The following ZNF618 variants were observed in gnomAD, a reference collection of about 807,000 sequenced individuals.
ZNF618 encodes the protein zinc finger protein 618.
A neutral mutation model predicts 103.0 loss-of-function variants in ZNF618; 34 were observed. That is an observed-to-expected ratio of 0.33 (90% CI 0.25 to 0.44). The LOEUF is 0.44. Among genes scored for constraint, ZNF618 ranks in the 20% least tolerant of loss-of-function variants. The pLI, the probability that ZNF618 is intolerant of heterozygous loss-of-function variation, is 1.00. For missense variants in ZNF618, 1,059 were observed against 1,295.4 expected, an observed-to-expected ratio of 0.82 and a Z score of 2.80; for synonymous variants, 551 against 542.2, an observed-to-expected ratio of 1.02 and a Z score of -0.23.
At chr9:114,033,147 C>T (rs1418317255) in intron 12 of ZNF618, among the ~76,000 whole-genome samples, 1 of 152,180 alleles carries the variant, frequency 6.6e-6, no homozygotes, top group Admixed American at 6.5e-5. Flanking sequence ...CCGTGGCTCA[C>T]ACCTGTAATC....
At chr9:113,880,219 C>G (rs1828387913) in intron 1 of ZNF618, among the ~76,000 whole-genome samples, 1 of 151,882 alleles carries the variant, frequency 6.6e-6, no homozygotes, top group Admixed American at 6.6e-5. Flanking sequence ...GAATTTTTTC[C>G]ATGTTCTTGT....
chr9:113,967,506 A>G (rs531884348), intron 1 of ZNF618, among the ~76,000 whole-genome samples: 30 of 151,924 alleles, frequency 2.0e-4, no homozygotes, highest in Non-Finnish European at 3.2e-4. Context: ...ATGTCACCCC[A>G]TTTCCCAATT....
intron 13 of ZNF618, among the ~76,000 whole-genome samples, chr9:114,043,624 C>T (rs1366399526): frequency 2.6e-5 from 4 of 152,156 alleles, no homozygotes; most frequent in African/African-American, 4.8e-5. Flanking sequence ...GGAACCTCCA[C>T]GCTGTTTTCC....
intron 13 of ZNF618, among the ~76,000 whole-genome samples, chr9:114,045,724 G>A: frequency 6.6e-6 from 1 of 151,880 alleles, no homozygotes; most frequent in East Asian, 1.9e-4. Flanking sequence ...ATGAATTTCA[G>A]GATCAGCTTG....
chr9:114,010,301 C>A (rs1474450110), intron 9 of ZNF618, among the ~76,000 whole-genome samples: 28 of 116,922 alleles, frequency 2.4e-4, no homozygotes, highest in East Asian at 9.8e-4. Context: ...GACTCTGTCT[C>A]AAAAAAAAAA....
chr9:113,936,071 C>T (rs1834004479), intron 1 of ZNF618, among the ~76,000 whole-genome samples: 1 of 152,156 alleles, frequency 6.6e-6, no homozygotes, highest in South Asian at 2.1e-4. Flanking sequence ...CCTCCTGCTT[C>T]AGCCTCCCAA....
At chr9:113,975,431 G>C (rs960903681) in intron 2 of ZNF618, among the ~76,000 whole-genome samples, 2 of 152,082 alleles carry the variant, frequency 1.3e-5, no homozygotes, top group African/African-American at 4.8e-5. Flanking sequence ...TCTTCTTCTT[G>C]TTTACCATTT....
chr9:113,996,092 A>T (rs1307278823), intron 3 of ZNF618, among the ~76,000 whole-genome samples: 1 of 152,152 alleles, frequency 6.6e-6, no homozygotes, highest in East Asian at 1.9e-4. Context: ...TGCTTCACTC[A>T]GAAGACCCTG....
chr9:114,013,061 A>T (rs1842389083), intron 9 of ZNF618, among the ~76,000 whole-genome samples: 1 of 152,194 alleles, frequency 6.6e-6, no homozygotes, highest in African/African-American at 2.4e-5. Context: ...TTCAAGGTGG[A>T]CTTGCCTCAG....
At chr9:114,029,691 T>TTTCC (rs1843833581) in intron 11 of ZNF618, among the ~76,000 whole-genome samples, 2 of 152,148 alleles carry the variant, frequency 1.3e-5, no homozygotes, top group South Asian at 4.1e-4. Context: ...ATAAGCCGGA[T>TTTCC]GGTTGACCTA....
chr9:114,007,313 GC>G, intron 6 of ZNF618, 36 bp from the exon 7 acceptor site: 3 of 1,595,720 alleles, frequency 1.9e-6, no homozygotes, highest in Non-Finnish European at 2.6e-6. Flanking sequence ...CAAGACTGAA[GC>G]CCTGGTAACC....
chr9:113,905,220 G>C (rs1182087997), intron 1 of ZNF618, among the ~76,000 whole-genome samples: 1 of 152,046 alleles, frequency 6.6e-6, no homozygotes, highest in Non-Finnish European at 1.5e-5. Context: ...CTCACACCTG[G>C]CTAATTTTTT....
At chr9:114,026,392 G>A (rs955029902) in intron 10 of ZNF618, among the ~76,000 whole-genome samples, 3 of 152,106 alleles carry the variant, frequency 2.0e-5, no homozygotes, top group African/African-American at 7.2e-5. Flanking sequence ...GGAAAGAGGG[G>A]GCTGTGTGCC....
Position 113,998,366 on chromosome 9 carries a change from C to T in ZNF618, c.433+12C>T. The T allele has an allele frequency of 1.3e-6, 2 of 1,549,064 alleles. No homozygotes were observed. The highest frequency in any genetic ancestry group is 1.7e-6 in the Non-Finnish European group (2 of 1,146,016). ...GAGATATGCATCTGGTACGTGATGGCCAAGGGGTAGTGCCTGATCCGGGGC... is the reference window on the plus strand; with the variant it reads ...GAGATATGCATCTGGTACGTGATGGTCAAGGGGTAGTGCCTGATCCGGGGC... On this transcript the variant is annotated intron_variant, in intron 4 of 14. Coordinates refer to ENST00000374126, the MANE Select transcript of ZNF618 (RefSeq NM_001318042.2).
intron 1 of ZNF618, among the ~76,000 whole-genome samples, chr9:113,934,427 A>G (rs560075240): frequency 2.6e-5 from 4 of 152,112 alleles, no homozygotes; most frequent in African/African-American, 9.6e-5. Context: ...GTAGATGACA[A>G]TTACACGAAC....
intron 2 of ZNF618, among the ~76,000 whole-genome samples, chr9:113,973,968 T>A (rs1310033767): frequency 6.6e-6 from 1 of 152,054 alleles, no homozygotes; most frequent in Non-Finnish European, 1.5e-5. Context: ...TAAGAAAAAA[T>A]CAAATCTCAT....
chr9:113,905,787 T>C (rs896089644), intron 1 of ZNF618, among the ~76,000 whole-genome samples: 2 of 152,160 alleles, frequency 1.3e-5, no homozygotes, highest in African/African-American at 4.8e-5. Flanking sequence ...TTCCCTCCCT[T>C]GCATGTTTCA....
At position 113,988,327 on chromosome 9, in the gene ZNF618, C is replaced by T. The variant is rs761820040; in HGVS notation, c.84C>T (p.Arg28=). The T allele has an allele frequency of 4.3e-6, 7 of 1,611,748 alleles. No individual in the cohort carries two copies. In the Admixed American group the frequency reaches 8.3e-5, roughly 19 times the overall value. Residue 28 remains arginine (R), a synonymous_variant, in exon 3 of 15, where the codon CGC becomes CGT. Transcript: ENST00000374126. ...AGRKSTASRE[R]LKRSQKSTKV... is the part of the protein sequence containing the mutation. ...GGAGTTTCTTCTTTCCCAGGGAGCG[C>T]TTGAAGCGCAGCCAGAAGAGCACCA...
In ZNF618 at chr9:113,920,405, A is replaced by AT. The variant is rs35271347; in HGVS notation, c.33+44008dup. Among the ~76,000 whole-genome samples, 426 of 142,714 alleles carry AT rather than the reference A, an allele frequency of 3.0e-3. 3 individuals are homozygous for AT. Among genetic ancestry groups the AT allele is most frequent in the South Asian group, 0.019 (84 of 4,412 alleles). The allele number at this position is 142,714 out of a possible 152,430, so 93.6% of individuals were successfully genotyped here. A position where few individuals can be genotyped will look rare whatever the true frequency, so the allele number is the denominator to read the frequency against. ...TTTTTTACTTATTTTCAGAGTCACA[A>AT]TTTTTTTTTTTTTTTTGAGATAGTC... On this transcript the variant is annotated intron_variant, in intron 1 of 14. Coordinates refer to ENST00000374126, the MANE Select transcript of ZNF618 (RefSeq NM_001318042.2).
Sources: allele counts gnomAD v4.1 joint callset (sites outside exome capture counted in the v4.1 genomes callset), GRCh38; gene constraint gnomAD v4.1.1; transcripts MANE v1.5; gene names NCBI Gene and HGNC (gene_info 2026-07-23, HGNC 2026-07-21).